The following RNF150 variants were observed in gnomAD, a reference collection of about 807,000 sequenced individuals.
The protein encoded by RNF150 is ring finger protein 150.
Under a neutral mutation model 39.3 loss-of-function variants are expected in RNF150, and 24 were observed. That is an observed-to-expected ratio of 0.61 (90% CI 0.44 to 0.86). The LOEUF (loss-of-function observed/expected upper bound fraction) is 0.86, where lower values mean the gene tolerates loss of function less well. Among genes scored for constraint, RNF150 ranks in the 40% least tolerant of loss-of-function variants. The probability of loss-of-function intolerance (pLI) is 0.00; values close to 1 mark genes in which losing one functional copy is unlikely to be tolerated. For synonymous variants in RNF150, 255 were observed against 227.3 expected (o/e 1.12, Z -1.10); for missense variants, 502 against 587.8 (o/e 0.85, Z 1.51).
intron 1 of RNF150, among the ~76,000 whole-genome samples, chr4:141,123,724 C>G (rs544791126): frequency 6.6e-6 from 1 of 152,282 alleles, no homozygotes; most frequent in Admixed American, 6.5e-5. Flanking sequence ...ACAACAGGCC[C>G]TGGTGTGTGG....
At chr4:141,129,790 A>G (rs976236529) in intron 1 of RNF150, among the ~76,000 whole-genome samples, 1 of 152,240 alleles carries the variant, frequency 6.6e-6, no homozygotes, top group Non-Finnish European at 1.5e-5. Flanking sequence ...GTATATGAAA[A>G]GGACAAAACA....
intron 1 of RNF150, among the ~76,000 whole-genome samples, chr4:141,170,419 A>G (rs1027590772): frequency 3.3e-5 from 5 of 152,206 alleles, no homozygotes; most frequent in African/African-American, 1.2e-4. Flanking sequence ...AGATTATCAG[A>G]GCTGTCAAAA....
chr4:141,096,473 C>T (rs1042434130), intron 1 of RNF150, among the ~76,000 whole-genome samples: 1 of 152,098 alleles, frequency 6.6e-6, no homozygotes, highest in Admixed American at 6.6e-5. Flanking sequence ...GCTAGGATTA[C>T]AGGCGTGAGT....
At chr4:141,191,522 T>C (rs961911711) in intron 1 of RNF150, among the ~76,000 whole-genome samples, 11 of 152,236 alleles carry the variant, frequency 7.2e-5, no homozygotes, top group African/African-American at 2.7e-4. Context: ...CATTTTGTCA[T>C]ATTTCCACAT....
chr4:140,937,481 G>A (rs897371197), intron 4 of RNF150, among the ~76,000 whole-genome samples: 10 of 152,220 alleles, frequency 6.6e-5, no homozygotes, highest in African/African-American at 1.7e-4. Context: ...GGCCTGTCTC[G>A]AAATCCTGAC....
At position 141,197,320 on chromosome 4, in the gene RNF150, A is replaced by C. The variant is rs192436934; in HGVS notation, c.-6+15474T>G. 1.8e-3 allele frequency among the ~76,000 whole-genome samples: 273 copies of C among 152,264 alleles called. 2 individuals are homozygous for C. Among genetic ancestry groups the C allele is most frequent in the African/African-American group, 6.3e-3 (262 of 41,546 alleles). ...TACATGTTAGGTACATAATTACTTA[A>C]TTTTGAGTGTATCTATTTCCTCCAT... On this transcript the variant is annotated intron_variant, in intron 1 of 7. Coordinates refer to the RNF150 transcript ENST00000420921.
intron 1 of RNF150, among the ~76,000 whole-genome samples, chr4:141,141,673 A>G (rs1191316748): frequency 6.6e-6 from 1 of 152,064 alleles, no homozygotes; most frequent in Non-Finnish European, 1.5e-5. Context: ...GTGGTGGCAC[A>G]CCCCTGTAAT....
intron 2 of RNF150, 130 bp from the exon 3 acceptor site, chr4:140,949,502 G>A (rs781396742): frequency 1.1e-5 from 8 of 702,090 alleles, no homozygotes; most frequent in South Asian, 3.9e-5. Context: ...TAGCAATGAC[G>A]ACTAGAAAAG....
chr4:140,994,265 T>G (rs546774912), intron 1 of RNF150, among the ~76,000 whole-genome samples: 94 of 152,346 alleles, frequency 6.2e-4, no homozygotes, highest in Non-Finnish European at 9.3e-4. Flanking sequence ...TGTAGAAAGC[T>G]GCAGCCAGAT....
intron 1 of RNF150, among the ~76,000 whole-genome samples, chr4:141,076,456 T>C (rs1314641309): frequency 2.0e-5 from 3 of 152,098 alleles, no homozygotes. Flanking sequence ...AAATATGATC[T>C]GATTTAACCA....
At position 141,089,398 on chromosome 4, in the gene RNF150, T is replaced by C. The variant is rs143847825; in HGVS notation, c.484+42927A>G. Among the ~76,000 whole-genome samples the C allele has an allele frequency of 6.3e-4, 96 of 152,178 alleles. 1 individual carries two copies. The highest frequency in any genetic ancestry group is 2.0e-3 in the African/African-American group (85 of 41,506). On this transcript the variant is annotated intron_variant, in intron 1 of 6. Transcript: ENST00000515673. ...AGGGGCAGAGGAGAGGGGTCTTGGA[T>C]TCCCAGCCAACTGGGGGGAGGGGGA...
At chr4:140,969,426 C>T (rs972134279) in intron 1 of RNF150, among the ~76,000 whole-genome samples, 2 of 151,970 alleles carry the variant, frequency 1.3e-5, no homozygotes, top group African/African-American at 2.4e-5. Flanking sequence ...AATTTTGACG[C>T]GCCTTTTCTT....
chr4:141,139,282 G>A lies in RNF150; in HGVS notation c.-6+73512C>T, dbSNP rs1031246478. Among the ~76,000 whole-genome samples the A allele has an allele frequency of 3.3e-5, 5 of 152,232 alleles. No homozygotes were observed. In the East Asian group the frequency reaches 7.7e-4, roughly 23 times the overall value. On this transcript the variant is annotated intron_variant, in intron 1 of 7. Transcript: ENST00000420921. ...TTGCCATCTCTGTGTTAGGCCCTGC[G>A]CTGACGCTCAGAGGAATGGCAGGGC...
intron 1 of RNF150, among the ~76,000 whole-genome samples, chr4:141,142,411 G>T (rs192259141): frequency 6.6e-6 from 1 of 152,122 alleles, no homozygotes; most frequent in Non-Finnish European, 1.5e-5. Context: ...CTGTTAACTG[G>T]AATAGTCCTG....
chr4:141,094,693 T>G (rs529570722), intron 1 of RNF150, among the ~76,000 whole-genome samples: 1 of 152,380 alleles, frequency 6.6e-6, no homozygotes, highest in East Asian at 1.9e-4. Flanking sequence ...CAAAATTATC[T>G]GTCAGGAAGT....
intron 1 of RNF150, among the ~76,000 whole-genome samples, chr4:141,193,743 G>A: frequency 6.6e-6 from 1 of 152,160 alleles, no homozygotes; most frequent in East Asian, 1.9e-4. Flanking sequence ...AAGCCTGTCT[G>A]ATACAAATCT....
intron 5 of RNF150, among the ~76,000 whole-genome samples, chr4:140,913,334 C>T (rs6829247): frequency 0.55 from 83,629 of 152,038 alleles, 23,509 homozygotes; most frequent in East Asian, 0.89. Flanking sequence ...ATTACATGCT[C>T]CCTGGCATGA....
chr4:141,155,928 C>CTA (rs34274866), intron 1 of RNF150, among the ~76,000 whole-genome samples: 76,522 of 151,188 alleles, frequency 0.51, 19,728 homozygotes, highest in East Asian at 0.83. Flanking sequence ...AAAGAAAAGT[C>CTA]TGGTGGTTAG....
intron 5 of RNF150, among the ~76,000 whole-genome samples, chr4:140,922,451 T>C (rs1309127780): frequency 1.3e-5 from 2 of 151,040 alleles, no homozygotes; most frequent in Admixed American, 6.6e-5. Flanking sequence ...TACAAACCAC[T>C]GCTCAATGAA....
Sources: gnomAD v4.1 joint callset for allele counts (sites outside exome capture counted in the v4.1 genomes callset) on GRCh38, gnomAD v4.1.1 for gene constraint, MANE v1.5 for transcripts, NCBI Gene and HGNC (gene_info 2026-07-23, HGNC 2026-07-21) for gene names.